DMXL2: variants seen among roughly 807,000 people sequenced by gnomAD.
DMXL2 encodes the protein dmX-like protein 2.
DMXL2 carries 103 observed loss-of-function variants against 331.1 expected under a neutral mutation model. The observed-to-expected ratio is 0.31, with a 90% CI of 0.27 to 0.37. The LOEUF (loss-of-function observed/expected upper bound fraction) is 0.37. Ranked by LOEUF, DMXL2 falls within the 10% of genes least tolerant of loss-of-function variation. DMXL2 has a pLI of 1.00. For synonymous variants in DMXL2, 1,281 were observed against 1,252.1 expected (o/e 1.02, Z -0.49); for missense variants, 3,171 against 3,642.9 (o/e 0.87, Z 3.33).
intron 16 of DMXL2, among the ~76,000 whole-genome samples, chr15:51,505,986 A>C (rs1456977421): frequency 6.6e-6 from 1 of 152,262 alleles, no homozygotes; most frequent in Non-Finnish European, 1.5e-5. Flanking sequence ...TTCATACTAC[A>C]GATTTCCCAA....
chr15:51,493,177 T>A (rs538182890), intron 19 of DMXL2, among the ~76,000 whole-genome samples: 1 of 152,262 alleles, frequency 6.6e-6, no homozygotes, highest in East Asian at 1.9e-4. Context: ...TTTTCACTAT[T>A]TAAATCTCTG....
intron 1 of DMXL2, among the ~76,000 whole-genome samples, chr15:51,596,815 G>A (rs1245729059): frequency 7.2e-5 from 11 of 152,002 alleles, no homozygotes; most frequent in Non-Finnish European, 1.5e-4. Context: ...GCTAACTATC[G>A]CAAAGACAAA....
At chr15:51,531,598 G>C (rs2048004982) in intron 13 of DMXL2, among the ~76,000 whole-genome samples, 1 of 152,110 alleles carries the variant, frequency 6.6e-6, no homozygotes, top group African/African-American at 2.4e-5. Flanking sequence ...CACAGAATGA[G>C]AGAAAATATC....
chr15:51,543,372 A>C (rs557504010), intron 8 of DMXL2, among the ~76,000 whole-genome samples: 1 of 152,238 alleles, frequency 6.6e-6, no homozygotes, highest in East Asian at 1.9e-4. Flanking sequence ...ACATCCTCTC[A>C]ATTTCTACAG....
intron 33 of DMXL2, chr15:51,460,724 C>T (rs1328138483): frequency 6.6e-6 from 1 of 152,168 alleles, no homozygotes; most frequent in Non-Finnish European, 1.5e-5. Context: ...AGCACTCTTA[C>T]TGGATTGGGT....
chr15:51,617,850 T>TA (rs2054380069), intron 1 of DMXL2, among the ~76,000 whole-genome samples: 1 of 152,304 alleles, frequency 6.6e-6, no homozygotes, highest in South Asian at 2.1e-4. Context: ...GAGTAGTTGC[T>TA]AGGAGTCTTC....
At chr15:51,476,823 C>A (rs998191853) in intron 26 of DMXL2, 104 bp from the exon 27 acceptor site, 1 of 859,992 alleles carries the variant, frequency 1.2e-6, no homozygotes. Context: ...AACAAAAATT[C>A]TTAAAATGCA....
At chr15:51,520,819 T>C (rs2047316035) in intron 13 of DMXL2, among the ~76,000 whole-genome samples, 3 of 152,166 alleles carry the variant, frequency 2.0e-5, no homozygotes, top group South Asian at 4.1e-4. Flanking sequence ...ATCGCGCCAC[T>C]GCACTCCAGC....
At chr15:51,568,449 TA>T (rs1184164845) in intron 3 of DMXL2, 37 bp downstream of exon 3, 2 of 1,334,304 alleles carry the variant, frequency 1.5e-6, no homozygotes, top group Non-Finnish European at 2.1e-6. Flanking sequence ...TAAAGTTAAC[TA>T]GATTCTAAAA....
intron 6 of DMXL2, among the ~76,000 whole-genome samples, chr15:51,556,221 T>C (rs1177069308): frequency 6.6e-6 from 1 of 151,846 alleles, no homozygotes; most frequent in Non-Finnish European, 1.5e-5. Flanking sequence ...CGGGCGCCTG[T>C]AGTCCCAGCT....
Position 51,481,640 on chromosome 15 carries a change from G to T in DMXL2, c.5483-17C>A. The T allele has an allele frequency of 6.6e-7, 1 of 1,511,690 alleles. No individual in the cohort carries two copies. Among genetic ancestry groups the T allele is most frequent in the Non-Finnish European group, 8.8e-7 (1 of 1,130,608 alleles). 93.6% of individuals were successfully genotyped at this position (1,511,690 alleles called of 1,614,324 possible). A position where few individuals can be genotyped will look rare whatever the true frequency, so the allele number is the denominator to read the frequency against. On this transcript the variant is annotated splice_polypyrimidine_tract_variant and intron_variant, in intron 23 of 43. Coordinates refer to ENST00000560891, the MANE Select transcript of DMXL2 (RefSeq NM_001378457.1). ...TGATGATAACTATAGAAATCAAACA[G>T]ATAAAATCACAAAGCATTGTGTTAA... is the stretch of plus-strand genomic sequence containing the variant.
chr15:51,622,623 C>A lies in DMXL2; in HGVS notation c.-78G>T. On this transcript the variant is annotated 5_prime_UTR_variant, in exon 1 of 44. Coordinates refer to ENST00000560891, the MANE Select transcript of DMXL2 (RefSeq NM_001378457.1). ...CTGACCCTCCTCGGGCTGCGAGAGC[C>A]GTTTCCCTCTGTGCCTCCCTCGGAA... The A allele has an allele frequency of 2.0e-6, 3 of 1,488,122 alleles. No individual in the cohort carries two copies. Among genetic ancestry groups the A allele is most frequent in the South Asian group, 2.6e-5 (2 of 76,430 alleles). The allele number at this position is 1,488,122 out of a possible 1,614,324, so 92.2% of individuals were successfully genotyped here.
chr15:51,559,085 C>T (rs867007589), intron 6 of DMXL2, among the ~76,000 whole-genome samples: 9 of 151,960 alleles, frequency 5.9e-5, no homozygotes, highest in African/African-American at 1.9e-4. Context: ...CATAGGAAAA[C>T]CCTCAGAATC....
rs759738934 is a variant in DMXL2 at position 51,488,536 on chromosome 15, A to T, written c.5051+12T>A. 2.5e-6 allele frequency: 4 copies of T among 1,605,704 alleles called. No homozygotes were observed. The highest frequency in any genetic ancestry group is 3.4e-6 in the Non-Finnish European group (4 of 1,174,438). On this transcript the variant is annotated intron_variant, in intron 21 of 43. Transcript: ENST00000560891. The stretch of plus-strand genomic sequence containing the variant: ...ATTCTGTTGAATCACGTTAAGTGTC[A>T]AGGCAACTTACCTAAACAGACCCCA...
intron 1 of DMXL2, among the ~76,000 whole-genome samples, chr15:51,577,835 G>GTC (rs974539858): frequency 6.6e-6 from 1 of 152,128 alleles, no homozygotes; most frequent in Admixed American, 6.6e-5. Flanking sequence ...AGTTATTTAA[G>GTC]TTCCCTAAGC....
At chr15:51,474,215 C>A (rs2041372327) in intron 28 of DMXL2, 129 bp downstream of exon 28, 2 of 799,362 alleles carry the variant, frequency 2.5e-6, no homozygotes, top group Non-Finnish European at 3.8e-6. Flanking sequence ...TATTTGCTGT[C>A]ATAACAAGAG....
At chr15:51,559,391 C>T (rs1183269434) in intron 6 of DMXL2, among the ~76,000 whole-genome samples, 1 of 152,164 alleles carries the variant, frequency 6.6e-6, no homozygotes, top group Non-Finnish European at 1.5e-5. Context: ...AGGTATTTAG[C>T]CTCATTAATA....
At chr15:51,462,439 A>G (rs2040209724) in intron 33 of DMXL2, among the ~76,000 whole-genome samples, 1 of 152,212 alleles carries the variant, frequency 6.6e-6, no homozygotes, top group African/African-American at 2.4e-5. Context: ...GGGTTCAAGC[A>G]ATTCTCTTAC....
chr15:51,460,081 G>C (rs980723132), intron 33 of DMXL2: 1 of 934,406 alleles, frequency 1.1e-6, no homozygotes, highest in Admixed American at 6.2e-5. Flanking sequence ...TCAAAATATT[G>C]ATAATTATTT....
Sources: allele counts gnomAD v4.1 joint callset (sites outside exome capture counted in the v4.1 genomes callset), GRCh38; gene constraint gnomAD v4.1.1; transcripts MANE v1.5; gene names NCBI Gene and HGNC (gene_info 2026-07-23, HGNC 2026-07-21).